Variants in PDE10A observed in about 807,000 individuals in gnomAD.
PDE10A encodes cAMP and cAMP-inhibited cGMP 3',5'-cyclic phosphodiesterase 10A.
PDE10A carries 39 observed loss-of-function variants against 97.7 expected under a neutral mutation model. That is an observed-to-expected ratio of 0.40 (90% CI 0.31 to 0.52). The LOEUF (loss-of-function observed/expected upper bound fraction) is 0.52. PDE10A is among the 20% of genes least tolerant of loss of function. PDE10A has a pLI of 0.56. For synonymous variants in PDE10A, 371 were observed against 376.8 expected (o/e 0.98, Z 0.18); for missense variants, 731 against 1,047.8 (o/e 0.70, Z 4.17).
At chr6:165,560,048 C>T (rs1278138444) in intron 1 of PDE10A, among the ~76,000 whole-genome samples, 1 of 152,210 alleles carries the variant, frequency 6.6e-6, no homozygotes, top group African/African-American at 2.4e-5. Context: ...GCACACTCTG[C>T]ATGATCTCCG....
intron 1 of PDE10A, among the ~76,000 whole-genome samples, chr6:165,974,999 T>C (rs1784806980): frequency 6.6e-6 from 1 of 152,192 alleles, no homozygotes; most frequent in Admixed American, 6.5e-5. Flanking sequence ...GCGCAGGGAT[T>C]GTGAGGGTGT....
In PDE10A at chr6:165,503,583, T is replaced by C. The variant is rs141442952; in HGVS notation, c.995-21240A>G. On this transcript the variant is annotated intron_variant, in intron 2 of 21. Transcript: ENST00000539869. ...TCAATAAGAACCCAGAGGATCAACA[T>C]TGAAAAGCCAAAGGCTCCTTTTCTT... 3.7e-3 allele frequency among the ~76,000 whole-genome samples: 562 copies of C among 152,238 alleles called. 4 individuals carry two copies. The highest frequency in any genetic ancestry group is 0.012 in the African/African-American group (492 of 41,534).
rs71026692 is a variant in PDE10A at position 165,530,269 on chromosome 6, A to ATGTG, written c.994+13167_994+13170dup. Among the ~76,000 whole-genome samples the ATGTG allele has an allele frequency of 1.1e-3, 168 of 148,246 alleles. 1 individual carries two copies. The highest frequency in any genetic ancestry group is 3.9e-3 in the African/African-American group (156 of 39,926). On this transcript the variant is annotated intron_variant, in intron 2 of 21. Transcript: ENST00000539869. ...ACTTTAAGTAAAATCCTCTTTATAT[A>ATGTG]TGTGTGTGTGTGTGTGTGTGTGTGT...
At chr6:165,741,726 A>T (rs1404728629) in intron 1 of PDE10A, among the ~76,000 whole-genome samples, 4 of 152,240 alleles carry the variant, frequency 2.6e-5, no homozygotes, top group African/African-American at 9.6e-5. Flanking sequence ...CTAAATTCAG[A>T]CTAGTGGCTC....
chr6:165,543,633 G>C (rs1783581224), intron 1 of PDE10A, 65 bp from the exon 2 acceptor site: 1 of 1,288,178 alleles, frequency 7.8e-7, no homozygotes, highest in Non-Finnish European at 1.1e-6. Context: ...GAAAGGTATA[G>C]TATCACAACA....
chr6:165,621,903 A>C (rs990984936), intron 1 of PDE10A, among the ~76,000 whole-genome samples: 1 of 152,196 alleles, frequency 6.6e-6, no homozygotes, highest in African/African-American at 2.4e-5. Context: ...GCTAGGCTGG[A>C]CCATGAGGCC....
intron 1 of PDE10A, among the ~76,000 whole-genome samples, chr6:165,637,702 C>T (rs1164767355): frequency 6.6e-6 from 1 of 152,138 alleles, no homozygotes; most frequent in African/African-American, 2.4e-5. Flanking sequence ...AAAAGAAAGG[C>T]AAGGACAGGG....
At chr6:165,544,168 A>G (rs1312416116) in intron 1 of PDE10A, among the ~76,000 whole-genome samples, 1 of 152,216 alleles carries the variant, frequency 6.6e-6, no homozygotes, top group Non-Finnish European at 1.5e-5. Flanking sequence ...TAATAAATAA[A>G]TGAATACATT....
At chr6:165,648,167 C>G (rs1314843952) in intron 1 of PDE10A, among the ~76,000 whole-genome samples, 2 of 152,152 alleles carry the variant, frequency 1.3e-5, no homozygotes, top group African/African-American at 4.8e-5. Context: ...CGCCCACCAC[C>G]ACGCCCAGCT....
intron 1 of PDE10A, among the ~76,000 whole-genome samples, chr6:165,921,684 G>A (rs955595194): frequency 1.3e-5 from 2 of 152,176 alleles, no homozygotes; most frequent in Non-Finnish European, 2.9e-5. Context: ...TTGTGCAATG[G>A]CCTGTGATGA....
At position 165,772,216 on chromosome 6, in the gene PDE10A, A is replaced by G. The variant is rs771525648; in HGVS notation, c.-615+215313T>C. On this transcript the variant is annotated intron_variant, in intron 1 of 19. Coordinates refer to the PDE10A transcript ENST00000366882. ...GAAGAAAGCCTGACAAGGAAACTAC[A>G]GTATTGACAAAAACTCAACATTATG... Among the ~76,000 whole-genome samples the G allele has an allele frequency of 6.8e-4, 103 of 152,232 alleles. 1 individual carries two copies. Among genetic ancestry groups the G allele is most frequent in the Non-Finnish European group, 1.2e-3 (79 of 68,040 alleles).
upstream of PDE10A, among the ~76,000 whole-genome samples, chr6:165,667,284 AT>A (rs1420437198): frequency 6.6e-6 from 1 of 152,052 alleles, no homozygotes; most frequent in African/African-American, 2.4e-5. Flanking sequence ...GATTTGTGAG[AT>A]TTTGGTGCAC....
chr6:165,779,204 C>T (rs1454094163), intron 1 of PDE10A, among the ~76,000 whole-genome samples: 3 of 151,998 alleles, frequency 2.0e-5, no homozygotes, highest in Non-Finnish European at 4.4e-5. Context: ...TTGTTTTTTC[C>T]CCTACGCGTA....
intron 1 of PDE10A, among the ~76,000 whole-genome samples, chr6:165,982,936 A>C (rs1785064303): frequency 6.6e-6 from 1 of 152,242 alleles, no homozygotes; most frequent in African/African-American, 2.4e-5. Flanking sequence ...AATTTTCTTT[A>C]AGTTACAAAG....
chr6:165,762,813 G>A (rs1037167699), intron 1 of PDE10A, among the ~76,000 whole-genome samples: 8 of 152,196 alleles, frequency 5.3e-5, no homozygotes, highest in Admixed American at 4.6e-4. Flanking sequence ...GGTGTTCCAT[G>A]CAGTTCTACC....
chr6:165,648,134 TC>T lies in PDE10A; in HGVS notation c.865+13812del, dbSNP rs1455780845. Among the ~76,000 whole-genome samples, 6 of 152,264 alleles carry T rather than the reference TC, an allele frequency of 3.9e-5. No individual in the cohort carries two copies. In the East Asian group the frequency reaches 1.2e-3, roughly 29 times the overall value. On this transcript the variant is annotated intron_variant, in intron 1 of 21. Transcript: ENST00000539869. ...TTCACGCCATTCTCCTGCCTCAGCCTCCCGAGTAGCTGGGACTATAGGCGCC... is the reference window on the plus strand; with the variant it reads ...TTCACGCCATTCTCCTGCCTCAGCCTCCGAGTAGCTGGGACTATAGGCGCC...
chr6:165,625,984 T>G (rs1373829839), intron 1 of PDE10A, among the ~76,000 whole-genome samples: 1 of 152,178 alleles, frequency 6.6e-6, no homozygotes, highest in African/African-American at 2.4e-5. Flanking sequence ...GACAAAGCTG[T>G]GGGACTAAGT....
At chr6:165,710,186 C>G (rs963914161) in intron 1 of PDE10A, among the ~76,000 whole-genome samples, 5 of 152,172 alleles carry the variant, frequency 3.3e-5, no homozygotes, top group Admixed American at 6.5e-5. Context: ...CAGCACTGAC[C>G]ACTCTCTGAA....
chr6:165,613,550 G>A (rs1158243378), intron 1 of PDE10A, among the ~76,000 whole-genome samples: 1 of 151,998 alleles, frequency 6.6e-6, no homozygotes, highest in African/African-American at 2.4e-5. Context: ...AAGGTGTGGG[G>A]GGATTCCTTG....
Sources: allele counts gnomAD v4.1 joint callset (sites outside exome capture counted in the v4.1 genomes callset), GRCh38; gene constraint gnomAD v4.1.1; transcripts MANE v1.5; gene names NCBI Gene and HGNC (gene_info 2026-07-23, HGNC 2026-07-21).